The following ZNF254 variants were observed in gnomAD, a reference collection of about 807,000 sequenced individuals.
ZNF254 encodes CTD-2017D11.1.
A neutral mutation model predicts 12.4 loss-of-function variants in ZNF254; 10 were observed. That is an observed-to-expected ratio of 0.80 (90% CI 0.50 to 1.36). The LOEUF is 1.36. Among genes scored for constraint, ZNF254 ranks in the 40% most tolerant of loss-of-function variants. The pLI is 0.00. For synonymous variants in ZNF254, 305 were observed against 253.4 expected (o/e 1.20, Z -1.93); for missense variants, 996 against 763.9 (o/e 1.30, Z -3.58).
chr19:24,128,850 A>T lies in ZNF254; in HGVS notation c.*870A>T, dbSNP rs1236559109. 1.3e-5 allele frequency: 2 copies of T among 151,860 alleles called. No homozygotes were observed. Among genetic ancestry groups the T allele is most frequent in the Admixed American group, 6.6e-5 (1 of 15,242 alleles). 9.4% of individuals were successfully genotyped at this position (151,860 alleles called of 1,614,324 possible). A position where few individuals can be genotyped will look rare whatever the true frequency, so the allele number is the denominator to read the frequency against. The stretch of plus-strand genomic sequence containing the variant: ...AACATTTGTATATAACTTTAAAAAT[A>T]GAATATTTTTTGGAGGGTTATAATT... On this transcript the variant is annotated 3_prime_UTR_variant, in exon 4 of 4. Coordinates refer to ENST00000357002, the MANE Select transcript of ZNF254 (RefSeq NM_203282.4).
At chr19:24,106,728 C>A in intron 3 of ZNF254, 85 bp downstream of exon 3, 1 of 1,204,726 alleles carries the variant, frequency 8.3e-7, no homozygotes. Flanking sequence ...ATTTAAGAAG[C>A]TGTGATCCAA....
intron 2 of ZNF254, among the ~76,000 whole-genome samples, chr19:24,076,735 T>C (rs1201413528): frequency 6.6e-6 from 1 of 152,202 alleles, no homozygotes; most frequent in Non-Finnish European, 1.5e-5. Flanking sequence ...AATTTAAGTT[T>C]TCCGTTAATA....
At position 24,115,319 on chromosome 19, in the gene ZNF254, T is replaced by C. The variant is rs574669724; in HGVS notation, c.253+8676T>C. On this transcript the variant is annotated intron_variant, in intron 3 of 3. Coordinates refer to ENST00000357002, the MANE Select transcript of ZNF254 (RefSeq NM_203282.4). ...GACTGGATTAAGAAAATGTGGCACA[T>C]ATACACCATGGAATACTATGCAGCC... Among the ~76,000 whole-genome samples, 8 of 152,228 alleles carry C rather than the reference T, an allele frequency of 5.3e-5. No homozygotes were observed. The South Asian group carries it at 1.7e-3, about 32-fold the overall frequency.
At chr19:24,107,471 T>C (rs1973417328) in intron 3 of ZNF254, 1 of 332,392 alleles carries the variant, frequency 3.0e-6, no homozygotes, top group Non-Finnish European at 5.4e-6. Context: ...AAGTTTTTTT[T>C]TCCTCTATTT....
chr19:24,087,384 G>A, intron 1 of ZNF254, 47 bp downstream of exon 1: 1 of 1,611,936 alleles, frequency 6.2e-7, no homozygotes, highest in Non-Finnish European at 8.5e-7. Context: ...GGGGCTGGTT[G>A]GAACTGGTGG....
chr19:24,127,273 A>G lies in ZNF254; in HGVS notation c.1273A>G (p.Lys425Glu), dbSNP rs757349302. The change falls in exon 4 of 4, where the codon AAG becomes GAG. Residue 425 changes from lysine to glutamate, a missense_variant. By Grantham distance (56) the Lys-to-Glu change is moderately conservative. Transcript: ENST00000357002. Reference sequence around the variant, plus strand: ...TCGATCTTCAAATCTTACTACACATAAGATAATTCATACTGGAGAGAAACC... The same window carrying G: ...TCGATCTTCAAATCTTACTACACATGAGATAATTCATACTGGAGAGAAACC... Reference protein sequence around the residue: ...FNRSSNLTTHKIIHTGEKPYK... With the variant: ...FNRSSNLTTHEIIHTGEKPYK... 2 of 1,613,554 alleles carry G rather than the reference A, an allele frequency of 1.2e-6. No homozygotes were observed. Among genetic ancestry groups the G allele is most frequent in the Non-Finnish European group, 1.7e-6 (2 of 1,179,790 alleles).
At chr19:24,054,652 A>G (rs1030044491) in intron 2 of ZNF254, among the ~76,000 whole-genome samples, 1 of 152,152 alleles carries the variant, frequency 6.6e-6, no homozygotes, top group Non-Finnish European at 1.5e-5. Context: ...TCTCAAATGC[A>G]AACAGAATCT....
At chr19:24,039,189 C>T (rs975945020) in intron 1 of ZNF254, among the ~76,000 whole-genome samples, 1 of 152,160 alleles carries the variant, frequency 6.6e-6, no homozygotes, top group Non-Finnish European at 1.5e-5. Context: ...GGCTGAAATC[C>T]ACCTGGGATT....
At chr19:24,037,097 T>G (rs1969994634) in intron 1 of ZNF254, among the ~76,000 whole-genome samples, 1 of 152,234 alleles carries the variant, frequency 6.6e-6, no homozygotes, top group African/African-American at 2.4e-5. Flanking sequence ...CACAGGAATA[T>G]GTCAGAACAT....
intron 2 of ZNF254, among the ~76,000 whole-genome samples, chr19:24,051,505 T>C (rs1250303272): frequency 3.9e-5 from 6 of 152,172 alleles, no homozygotes; most frequent in Non-Finnish European, 8.8e-5. Context: ...TATTGTGATA[T>C]ATTGCTGGGC....
intron 2 of ZNF254, chr19:24,079,810 C>T (rs1341261860): frequency 6.6e-6 from 1 of 152,096 alleles, no homozygotes; most frequent in Non-Finnish European, 1.5e-5. Flanking sequence ...GTGGAACTAT[C>T]AAAGGGGGTG....
chr19:24,128,920 G>T lies in ZNF254; in HGVS notation c.*940G>T, dbSNP rs1975070182. On this transcript the variant is annotated 3_prime_UTR_variant, in exon 4 of 4. Transcript: ENST00000357002. ...TTGAAAATACAGATTTTTTTTAAAA[G>T]TGAATAATGTGTTCAACTCTTAAAT... The T allele has an allele frequency of 6.6e-6, 1 of 151,882 alleles. No homozygotes were observed. The allele number at this position is 151,882 out of a possible 1,614,324, so 9.4% of individuals were successfully genotyped here.
At chr19:24,096,848 A>G (rs1972699719) in intron 1 of ZNF254, among the ~76,000 whole-genome samples, 2 of 152,198 alleles carry the variant, frequency 1.3e-5, no homozygotes, top group Non-Finnish European at 2.9e-5. Flanking sequence ...TGAATTTTAT[A>G]CAACACCTTT....
intron 1 of ZNF254, among the ~76,000 whole-genome samples, chr19:24,093,768 G>A (rs1055895487): frequency 1.3e-5 from 2 of 151,896 alleles, no homozygotes; most frequent in Non-Finnish European, 2.9e-5. Flanking sequence ...TGGCTATTCA[G>A]ACTCTTTGGT....
At chr19:24,121,005 G>T (rs940293130) in intron 3 of ZNF254, among the ~76,000 whole-genome samples, 2 of 151,432 alleles carry the variant, frequency 1.3e-5, no homozygotes, top group African/African-American at 2.4e-5. Context: ...TCTTAAAACT[G>T]CAGGATTACA....
chr19:24,044,913 T>C (rs942872852), intron 1 of ZNF254, among the ~76,000 whole-genome samples: 1 of 152,238 alleles, frequency 6.6e-6, no homozygotes, highest in Non-Finnish European at 1.5e-5. Context: ...CTCAGCAGAA[T>C]ATGTATAGAG....
At chr19:24,086,697 C>A (rs7257370), upstream of ZNF254, among the ~76,000 whole-genome samples, 6 of 152,234 alleles carry the variant, frequency 3.9e-5, no homozygotes, top group African/African-American at 1.4e-4. Flanking sequence ...GGCTGGTCTC[C>A]AACACATGAC....
intron 2 of ZNF254, among the ~76,000 whole-genome samples, chr19:24,077,065 G>A (rs978166882): frequency 6.6e-6 from 1 of 152,120 alleles, no homozygotes; most frequent in Non-Finnish European, 1.5e-5. Context: ...TGTTTCCTCT[G>A]CCCTATTGTT....
intron 3 of ZNF254, among the ~76,000 whole-genome samples, chr19:24,116,209 G>A (rs917605659): frequency 2.9e-4 from 44 of 152,074 alleles, no homozygotes; most frequent in African/African-American, 8.0e-4. Context: ...TCTTTGTGGC[G>A]TTCTCTGTAT....
Sources: allele counts gnomAD v4.1 joint callset (sites outside exome capture counted in the v4.1 genomes callset), GRCh38; gene constraint gnomAD v4.1.1; transcripts MANE v1.5; gene names NCBI Gene and HGNC (gene_info 2026-07-23, HGNC 2026-07-21).